SNX25: variants seen among roughly 807,000 people sequenced by gnomAD.
SNX25 encodes sorting nexin 25.
Under a neutral mutation model 113.7 loss-of-function variants are expected in SNX25, and 62 were observed. The observed-to-expected ratio is 0.55, with a 90% CI of 0.44 to 0.67. The LOEUF is 0.67. Ranked by LOEUF, SNX25 falls within the 30% of genes least tolerant of loss-of-function variation. SNX25 has a pLI of 0.00. For missense variants in SNX25, 1,014 were observed against 1,161.0 expected, an observed-to-expected ratio of 0.87 and a Z score of 1.84; for synonymous variants, 421 against 436.2, an observed-to-expected ratio of 0.97 and a Z score of 0.43.
upstream of SNX25, chr4:185,209,584 G>C: frequency 3.3e-6 from 1 of 305,120 alleles, no homozygotes; most frequent in Non-Finnish European, 4.8e-6. This position sits in a 1 kb window ranked among gnomAD's most constrained non-coding sequence, Gnocchi z 5.2. Context: ...CCCGCGTCAG[G>C]CTGGCCAGGC....
At chr4:185,305,320 A>G (rs1754310689) in intron 6 of SNX25, among the ~76,000 whole-genome samples, 1 of 152,140 alleles carries the variant, frequency 6.6e-6, no homozygotes, top group African/African-American at 2.4e-5. Flanking sequence ...TAAATCCCTC[A>G]GTGAGTCTGC....
intron 7 of SNX25, among the ~76,000 whole-genome samples, chr4:185,316,939 G>T (rs1213402383): frequency 2.0e-5 from 3 of 152,140 alleles, no homozygotes; most frequent in African/African-American, 4.8e-5. Context: ...AATATTATTG[G>T]TCTGAAATAT....
chr4:185,311,628 G>A (rs1295791384), intron 7 of SNX25, among the ~76,000 whole-genome samples: 1 of 152,184 alleles, frequency 6.6e-6, no homozygotes, highest in Non-Finnish European at 1.5e-5. Flanking sequence ...GCTACAAAGA[G>A]GCCAACACTG....
chr4:185,358,177 A>G (rs2095347195), intron 16 of SNX25, among the ~76,000 whole-genome samples: 1 of 152,252 alleles, frequency 6.6e-6, no homozygotes, highest in Non-Finnish European at 1.5e-5. Context: ...AGGTTTTCAC[A>G]GTTGTGTAGC....
intron 9 of SNX25, among the ~76,000 whole-genome samples, chr4:185,330,403 G>A (rs2095186039): frequency 1.3e-5 from 2 of 152,224 alleles, no homozygotes; most frequent in South Asian, 4.1e-4. Context: ...TTAGCCATTA[G>A]GCTGATGCCC....
At chr4:185,318,506 T>G (rs913982212) in intron 7 of SNX25, among the ~76,000 whole-genome samples, 8 of 152,168 alleles carry the variant, frequency 5.3e-5, no homozygotes, top group African/African-American at 1.9e-4. Flanking sequence ...CGGAGGAATT[T>G]TATGGGCTTA....
At chr4:185,212,454 A>G (rs1171349631) in intron 1 of SNX25, among the ~76,000 whole-genome samples, 5 of 126,096 alleles carry the variant, frequency 4.0e-5, no homozygotes, top group Non-Finnish European at 6.6e-5. Flanking sequence ...ATTTCCAATA[A>G]TTTGTGTGAT....
At chr4:185,289,233 C>T (rs1751810843) in intron 6 of SNX25, among the ~76,000 whole-genome samples, 1 of 152,190 alleles carries the variant, frequency 6.6e-6, no homozygotes, top group African/African-American at 2.4e-5. Flanking sequence ...CATTCCGATT[C>T]CCTAAACTAG....
chr4:185,207,858 GT>G (rs1170344592), upstream of SNX25: 1 of 152,160 alleles, frequency 6.6e-6, no homozygotes, highest in African/African-American at 2.4e-5. Context: ...AGTGCTGTTA[GT>G]TACTATTATG....
chr4:185,246,984 A>G (rs1744949253), intron 1 of SNX25, among the ~76,000 whole-genome samples: 1 of 152,192 alleles, frequency 6.6e-6, no homozygotes, highest in Non-Finnish European at 1.5e-5. Flanking sequence ...ATTCTTCTTA[A>G]GAAAATTATG....
At chr4:185,267,875 A>G (rs895519023) in intron 5 of SNX25, among the ~76,000 whole-genome samples, 1 of 152,238 alleles carries the variant, frequency 6.6e-6, no homozygotes, top group African/African-American at 2.4e-5. Context: ...CAATAAAGTA[A>G]GCTGGAGAAA....
rs181947033 is a variant in SNX25, at chr4:185,336,637, A to G, written c.1915-2742A>G. 1.7e-3 allele frequency among the ~76,000 whole-genome samples: 253 copies of G among 152,320 alleles called. 1 individual carries two copies. The highest frequency in any genetic ancestry group is 2.7e-3 in the Non-Finnish European group (181 of 68,030). ...ATGCTGTAAACATGGCTGTGCAAGT[A>G]TCTTTTTTGTATAATGACTTCTTTT... On this transcript the variant is annotated intron_variant, in intron 10 of 18. Transcript: ENST00000652585.
Position 185,247,318 on chromosome 4 carries a change from G to A in SNX25, c.454G>A (p.Glu152Lys), listed in dbSNP as rs766990608. ...PGSPVYGNSH[E>K]SAQSRRVVIS... is the part of the protein sequence containing the mutation. The stretch of plus-strand genomic sequence containing the variant: ...GAGTCCTGTGTATGGAAACTCACAT[G>A]AGTCAGCTCAGTCTAGAAGGGTAGT... Residue 152 changes from glutamate to lysine, a missense_variant, in exon 2 of 19, where the codon GAG becomes AAG. Physicochemically the swap from Glu to Lys is moderately conservative, Grantham distance 56 (BLOSUM62 1). Transcript: ENST00000652585. The A allele has an allele frequency of 1.9e-6, 3 of 1,605,992 alleles. No individual in the cohort carries two copies. The highest frequency in any genetic ancestry group is 4.5e-5 in the East Asian group (2 of 44,588).
At chr4:185,212,491 G>GTGTGTTT (rs546083196) in intron 1 of SNX25, among the ~76,000 whole-genome samples, 3 of 104,942 alleles carry the variant, frequency 2.9e-5, no homozygotes, top group African/African-American at 1.1e-4. Flanking sequence ...GTGTGTGTGT[G>GTGTGTTT]TTTTTTTTTT....
chr4:185,324,024 C>G (rs2095138789), intron 9 of SNX25, among the ~76,000 whole-genome samples: 1 of 152,166 alleles, frequency 6.6e-6, no homozygotes, highest in Non-Finnish European at 1.5e-5. Flanking sequence ...CTTTCTTCCC[C>G]TTTTATCCTC....
intron 2 of SNX25, among the ~76,000 whole-genome samples, chr4:185,250,020 G>A (rs1217780416): frequency 6.6e-6 from 1 of 152,026 alleles, no homozygotes; most frequent in Non-Finnish European, 1.5e-5. Flanking sequence ...GTTTTTGATT[G>A]TATACTGGAC....
At chr4:185,239,763 AT>A (rs200021607) in intron 1 of SNX25, among the ~76,000 whole-genome samples, 56,920 of 122,064 alleles carry the variant, frequency 0.47, 12,355 homozygotes, top group East Asian at 0.56. Flanking sequence ...AATAAGGTGT[AT>A]TTTTTTTTTC....
At chr4:185,344,088 G>C (rs1002241897) in intron 12 of SNX25, among the ~76,000 whole-genome samples, 1 of 152,102 alleles carries the variant, frequency 6.6e-6, no homozygotes, top group Non-Finnish European at 1.5e-5. Flanking sequence ...GGGTGTGGTG[G>C]TGCACGCTTG....
intron 15 of SNX25, 49 bp downstream of exon 15, chr4:185,353,651 A>G (rs781614486): frequency 4.4e-6 from 6 of 1,369,174 alleles, no homozygotes. Context: ...TAAGTGGTAT[A>G]TATAATCGTA....
Sources: gnomAD v4.1 joint callset for allele counts (sites outside exome capture counted in the v4.1 genomes callset) on GRCh38, gnomAD v4.1.1 for gene constraint, Gnocchi (gnomAD v3.1) non-coding constraint, MANE v1.5 for transcripts, NCBI Gene and HGNC (gene_info 2026-07-23, HGNC 2026-07-21) for gene names.